The following MRTFA variants were observed in gnomAD, a reference collection of about 807,000 sequenced individuals.
MRTFA encodes the protein myocardin-related transcription factor A.
In MRTFA, 20 loss-of-function variants were observed where a neutral mutation model predicts 83.5. The observed-to-expected ratio is 0.24, with a 90% CI of 0.17 to 0.35. The LOEUF is 0.35. Ranked by LOEUF, MRTFA falls within the 10% of genes least tolerant of loss-of-function variation. The pLI, the probability that MRTFA is intolerant of heterozygous loss-of-function variation, is 1.00. For missense variants in MRTFA, 1,200 were observed against 1,224.7 expected (o/e 0.98, Z 0.30); for synonymous variants, 659 against 541.2 (o/e 1.22, Z -3.02).
chr22:40,484,819 T>C (rs2054148209), intron 3 of MRTFA, among the ~76,000 whole-genome samples: 1 of 151,592 alleles, frequency 6.6e-6, no homozygotes, highest in Non-Finnish European at 1.5e-5. Flanking sequence ...ACACCTGTAA[T>C]CCCAGCACTT....
At chr22:40,466,183 G>A (rs2053810093) in intron 3 of MRTFA, among the ~76,000 whole-genome samples, 1 of 152,148 alleles carries the variant, frequency 6.6e-6, no homozygotes, top group African/African-American at 2.4e-5. Context: ...ACTCTAGGAA[G>A]TTGATTTCAG....
chr22:40,445,980 T>C (rs921254866), intron 4 of MRTFA, among the ~76,000 whole-genome samples: 2 of 152,268 alleles, frequency 1.3e-5, no homozygotes, highest in Non-Finnish European at 2.9e-5. Context: ...TGCACAATGT[T>C]CTGTATTCTA....
chr22:40,431,269 C>T lies in MRTFA; in HGVS notation c.439+136G>A, dbSNP rs570816233. ...CAGCTACCATGGCACAGCTGTCGTA[C>T]GGTGTTAAGGCTCTGGCTTACCCAC... On this transcript the variant is annotated intron_variant, in intron 6 of 14. Coordinates refer to ENST00000355630, the MANE Select transcript of MRTFA (RefSeq NM_020831.6). 6.4e-5 allele frequency: 48 copies of T among 747,670 alleles called. 1 individual carries two copies. Among genetic ancestry groups the T allele is most frequent in the South Asian group, 2.4e-4 (15 of 61,624 alleles). The allele number at this position is 747,670 out of a possible 1,614,324, so 46.3% of individuals were successfully genotyped here.
intron 4 of MRTFA, among the ~76,000 whole-genome samples, chr22:40,458,243 T>C (rs1331379369): frequency 9.2e-5 from 14 of 152,178 alleles, no homozygotes; most frequent in Admixed American, 9.2e-4. Context: ...CACTCTGTAT[T>C]TGGTAGAGTT....
intron 2 of MRTFA, among the ~76,000 whole-genome samples, chr22:40,573,160 G>A (rs1433499834): frequency 1.3e-5 from 2 of 152,176 alleles, no homozygotes; most frequent in African/African-American, 4.8e-5. Context: ...TTCTTTTTGG[G>A]ATGATGAAAA....
chr22:40,577,700 AGG>A (rs1167865700), intron 2 of MRTFA, among the ~76,000 whole-genome samples: 1 of 151,244 alleles, frequency 6.6e-6, no homozygotes, highest in Non-Finnish European at 1.5e-5. Context: ...CTGCCTCCCA[AGG>A]TTCAAGCGAC....
At chr22:40,594,402 T>C (rs928307308) in intron 2 of MRTFA, among the ~76,000 whole-genome samples, 3 of 152,164 alleles carry the variant, frequency 2.0e-5, no homozygotes, top group African/African-American at 7.2e-5. Context: ...TGGGTACATG[T>C]GTAAATTCAT....
At chr22:40,466,918 T>C (rs1448939993) in intron 3 of MRTFA, among the ~76,000 whole-genome samples, 6 of 152,090 alleles carry the variant, frequency 3.9e-5, no homozygotes, top group African/African-American at 1.4e-4. Context: ...TAAAGGCATA[T>C]TCAGCTTATA....
At chr22:40,624,393 T>C (rs1334671876) in intron 1 of MRTFA, among the ~76,000 whole-genome samples, 1 of 133,002 alleles carries the variant, frequency 7.5e-6, no homozygotes, top group Non-Finnish European at 1.5e-5. Context: ...GCCACTGCAC[T>C]CCAGCCTGGG....
At chr22:40,616,407 T>C (rs917627462) in intron 1 of MRTFA, among the ~76,000 whole-genome samples, 4 of 152,172 alleles carry the variant, frequency 2.6e-5, no homozygotes, top group Admixed American at 2.0e-4. Context: ...GTGTGGAGAA[T>C]TGACTGAAGG....
intron 3 of MRTFA, among the ~76,000 whole-genome samples, chr22:40,507,396 G>C (rs150717771): frequency 6.6e-6 from 1 of 151,826 alleles, no homozygotes; most frequent in African/African-American, 2.4e-5. Context: ...AAACTTCCCA[G>C]CTGGGCGCCA....
At chr22:40,453,378 G>A (rs1471151293) in intron 4 of MRTFA, among the ~76,000 whole-genome samples, 1 of 152,164 alleles carries the variant, frequency 6.6e-6, no homozygotes, top group Non-Finnish European at 1.5e-5. Flanking sequence ...GACGGAAGCG[G>A]GAGTCCGAGG....
chr22:40,465,661 A>C (rs778525980), intron 3 of MRTFA, among the ~76,000 whole-genome samples: 6 of 152,136 alleles, frequency 3.9e-5, no homozygotes, highest in Non-Finnish European at 8.8e-5. Context: ...CCCTGGCTCA[A>C]CAGATCCTCC....
intron 3 of MRTFA, among the ~76,000 whole-genome samples, chr22:40,540,855 A>G (rs138295217): frequency 2.0e-5 from 3 of 152,098 alleles, no homozygotes; most frequent in African/African-American, 7.2e-5. Flanking sequence ...AGTGTCTGAC[A>G]TACATGACAG....
At chr22:40,423,435 C>T (rs779814840) in intron 9 of MRTFA, 101 bp downstream of exon 9, 3 of 1,126,566 alleles carry the variant, frequency 2.7e-6, no homozygotes, top group East Asian at 2.9e-5. Flanking sequence ...AGAAGACACG[C>T]ACCACACCCT....
At chr22:40,484,513 G>C (rs1394021903) in intron 3 of MRTFA, among the ~76,000 whole-genome samples, 1 of 152,130 alleles carries the variant, frequency 6.6e-6, no homozygotes, top group African/African-American at 2.4e-5. Flanking sequence ...AAAGGTAGGT[G>C]TAACTGTAGA....
intron 1 of MRTFA, among the ~76,000 whole-genome samples, chr22:40,629,579 T>C (rs559914593): frequency 1.9e-4 from 28 of 151,106 alleles, no homozygotes; most frequent in African/African-American, 5.1e-4. Flanking sequence ...CTGGCCAACA[T>C]AGTGAAACTC....
At position 40,418,449 on chromosome 22, in the gene MRTFA, T is replaced by C. The variant is rs1033266071; in HGVS notation, c.2289A>G (p.Thr763=). 1 of 1,613,958 alleles carries C rather than the reference T, an allele frequency of 6.2e-7. No individual in the cohort carries two copies. Among genetic ancestry groups the C allele is most frequent in the Non-Finnish European group, 8.5e-7 (1 of 1,179,908 alleles). ...TCACGGTGAGGACAAGGTGGGTCCC[T>C]GTGGAGTCGGTGATGAGGGTGGGAG... is the stretch of plus-strand genomic sequence containing the variant. Residue 763 remains threonine (T), a synonymous_variant, in exon 12 of 15, where the codon ACA becomes ACG. Coordinates refer to ENST00000355630, the MANE Select transcript of MRTFA (RefSeq NM_020831.6).
At chr22:40,619,527 T>C (rs543244771) in intron 1 of MRTFA, among the ~76,000 whole-genome samples, 1 of 152,268 alleles carries the variant, frequency 6.6e-6, no homozygotes, top group African/African-American at 2.4e-5. Context: ...ATACTGAAGG[T>C]ACAGCCTGGT....
Sources: allele counts gnomAD v4.1 joint callset (sites outside exome capture counted in the v4.1 genomes callset), GRCh38; gene constraint gnomAD v4.1.1; transcripts MANE v1.5; gene names NCBI Gene and HGNC (gene_info 2026-07-23, HGNC 2026-07-21).